The following PARP9 variants were observed in gnomAD, a reference collection of about 807,000 sequenced individuals.
The protein encoded by PARP9 is protein mono-ADP-ribosyltransferase PARP9.
In PARP9, 48 loss-of-function variants were observed where a neutral mutation model predicts 68.8. The observed-to-expected ratio is 0.70, with a 90% CI of 0.55 to 0.89. PARP9 has a LOEUF of 0.89. PARP9 is among the 40% of genes least tolerant of loss of function. PARP9 has a pLI of 0.00. For missense variants in PARP9, 806 were observed against 969.3 expected (o/e 0.83, Z 2.24); for synonymous variants, 309 against 333.8 (o/e 0.93, Z 0.81).
At chr3:122,563,701 C>T (rs1212946735) in intron 1 of PARP9, among the ~76,000 whole-genome samples, 1 of 151,926 alleles carries the variant, frequency 6.6e-6, no homozygotes, top group East Asian at 1.9e-4. Flanking sequence ...GGTGCTTTTC[C>T]CCCCAATCCT....
rs537659444 is a variant in PARP9, at chr3:122,532,132, G to A, written c.2081-3389C>T. 79 of 984,950 alleles carry A rather than the reference G, an allele frequency of 8.0e-5. No individual in the cohort carries two copies. The African/African-American group carries it at 1.3e-3, about 16-fold the overall frequency. The allele number at this position is 984,950 out of a possible 1,614,324, so 61.0% of individuals were successfully genotyped here. On this transcript the variant is annotated intron_variant, in intron 10 of 10. Coordinates refer to ENST00000682323, the MANE Select transcript of PARP9 (RefSeq NM_001146105.2). ...ACCTGAGTGGAGAGTGGCAATGGCT[G>A]GAGAAGTCTCTGGAGCAGGTGAGGA...
rs552652151 is a variant in PARP9, at chr3:122,549,296, G to A, written c.1326+1288C>T. On this transcript the variant is annotated intron_variant, in intron 6 of 10. Coordinates refer to ENST00000682323, the MANE Select transcript of PARP9 (RefSeq NM_001146105.2). ...CTCCCAAAGTGCTGGGATTACAGGC[G>A]TGAGCCACCTCACCCACCTGTATTA... is the stretch of plus-strand genomic sequence containing the variant. Among the ~76,000 whole-genome samples the A allele has an allele frequency of 1.9e-4, 29 of 152,292 alleles. No individual in the cohort carries two copies. In the South Asian group the frequency reaches 3.3e-3, roughly 17 times the overall value.
At chr3:122,548,791 A>G (rs1185493419) in intron 6 of PARP9, among the ~76,000 whole-genome samples, 2 of 152,208 alleles carry the variant, frequency 1.3e-5, no homozygotes, top group African/African-American at 4.8e-5. Flanking sequence ...TCACCTACAG[A>G]TGAGCTAAAA....
chr3:122,536,550 T>C, intron 9 of PARP9: 1 of 952,786 alleles, frequency 1.0e-6, no homozygotes, highest in South Asian at 2.0e-5. Flanking sequence ...GCCCCTTCTC[T>C]AATAAATTCC....
intron 8 of PARP9, among the ~76,000 whole-genome samples, chr3:122,538,658 C>CCA (rs10577699): frequency 0.15 from 21,065 of 144,870 alleles, 1,540 homozygotes; most frequent in African/African-American, 0.18. Context: ...TAAAGCAATG[C>CCA]CACACACACA....
intron 7 of PARP9, among the ~76,000 whole-genome samples, chr3:122,544,524 C>T (rs940279030): frequency 4.6e-5 from 7 of 152,072 alleles, no homozygotes; most frequent in Non-Finnish European, 8.8e-5. Flanking sequence ...TCTCAGTCCA[C>T]CCAAACTCCA....
At position 122,556,080 on chromosome 3, in the gene PARP9, T is replaced by C. The variant is rs199647088; in HGVS notation, c.91A>G (p.Ile31Val). ...AAAATTTTGAAGTCATTGTGGTTAA[T>C]GGGAATTTGCCAACTATAGTTTTCT... Reference protein sequence around the residue: ...LGENYSWQIPINHNDFKILKN... With the variant: ...LGENYSWQIPVNHNDFKILKN... Residue 31 changes from isoleucine to valine, a missense_variant, in exon 4 of 11, where the codon ATT becomes GTT. Physicochemically the swap from Ile to Val is conservative, Grantham distance 29. This residue lies in a region of PARP9 where 126 missense variants were observed against 110.5 expected (regional missense o/e 1.14). Coordinates refer to ENST00000682323, the MANE Select transcript of PARP9 (RefSeq NM_001146105.2). 478 of 1,594,316 alleles carry C rather than the reference T, an allele frequency of 3.0e-4. No individual in the cohort carries two copies. Among genetic ancestry groups the C allele is most frequent in the Non-Finnish European group, 3.8e-4 (444 of 1,174,018 alleles).
chr3:122,563,394 GA>G (rs1439411930), intron 1 of PARP9, among the ~76,000 whole-genome samples: 1 of 152,170 alleles, frequency 6.6e-6, no homozygotes, highest in African/African-American at 2.4e-5. Context: ...ATTACATGCT[GA>G]AATGATTAAG....
chr3:122,542,129 T>C (rs2078276177), intron 7 of PARP9, among the ~76,000 whole-genome samples: 1 of 152,156 alleles, frequency 6.6e-6, no homozygotes, highest in East Asian at 1.9e-4. Context: ...ATAAAAACAA[T>C]GCATAGTGAT....
chr3:122,530,110 G>A (rs1022879250), intron 10 of PARP9, among the ~76,000 whole-genome samples: 3 of 147,296 alleles, frequency 2.0e-5, no homozygotes, highest in Non-Finnish European at 3.0e-5. Context: ...TCAGGAGGTT[G>A]AGGTTGCAGT....
chr3:122,538,572 G>A (rs1425948250), intron 8 of PARP9, among the ~76,000 whole-genome samples: 1 of 151,826 alleles, frequency 6.6e-6, no homozygotes, highest in Non-Finnish European at 1.5e-5. Context: ...CCATCGTGCG[G>A]CAGAGCAAGA....
chr3:122,536,513 AT>A, intron 9 of PARP9, 171 bp from the exon 10 acceptor site: 2 of 1,242,114 alleles, frequency 1.6e-6, no homozygotes, highest in East Asian at 2.6e-5. Flanking sequence ...ATCCTCTCCT[AT>A]TTTGATTCGT....
At chr3:122,544,376 T>C (rs2078519986) in intron 7 of PARP9, among the ~76,000 whole-genome samples, 1 of 152,230 alleles carries the variant, frequency 6.6e-6, no homozygotes, top group Non-Finnish European at 1.5e-5. Flanking sequence ...ACATACATAA[T>C]CTATTATCCT....
At chr3:122,549,822 G>T (rs534036332) in intron 6 of PARP9, among the ~76,000 whole-genome samples, 1 of 151,938 alleles carries the variant, frequency 6.6e-6, no homozygotes, top group Non-Finnish European at 1.5e-5. Context: ...CAAAGAATTT[G>T]CCTTAAATAC....
upstream of PARP9, chr3:122,564,657 G>T (rs773833141): frequency 3.2e-6 from 5 of 1,553,962 alleles, no homozygotes; most frequent in South Asian, 5.9e-5. Flanking sequence ...CTGGGGGCCC[G>T]GCCCCCGGGT....
chr3:122,546,349 C>T (rs1355700024), intron 6 of PARP9, among the ~76,000 whole-genome samples: 4 of 152,184 alleles, frequency 2.6e-5, no homozygotes, highest in South Asian at 4.1e-4. Flanking sequence ...CAGTCAGCCA[C>T]GTGATCACAA....
intron 7 of PARP9, 130 bp downstream of exon 7, chr3:122,545,302 A>C: frequency 1.1e-6 from 1 of 885,382 alleles, no homozygotes; most frequent in Non-Finnish European, 1.8e-6. Context: ...GCAGGTATCC[A>C]AGCAGGACCA....
At chr3:122,545,409 T>C in intron 7 of PARP9, 23 bp downstream of exon 7, 1 of 1,612,934 alleles carries the variant, frequency 6.2e-7, no homozygotes, top group Non-Finnish European at 8.5e-7. Flanking sequence ...CCCTACTTAT[T>C]GGCCTGTGAA....
rs758574862 is a variant in PARP9 at position 122,537,090 on chromosome 3, C to T, written c.1766-17G>A. ...TCCACTGTCCTAAAAATGAGTAACA[C>T]AAAAACTTTACTTCAATGCTCTGAG... On this transcript the variant is annotated splice_polypyrimidine_tract_variant and intron_variant, in intron 8 of 10. Coordinates refer to ENST00000682323, the MANE Select transcript of PARP9 (RefSeq NM_001146105.2). 8.2e-6 allele frequency: 13 copies of T among 1,588,756 alleles called. No homozygotes were observed. In the Admixed American group the frequency reaches 2.1e-4, roughly 25 times the overall value.
Sources: gnomAD v4.1 joint callset for allele counts (sites outside exome capture counted in the v4.1 genomes callset) on GRCh38, gnomAD v4.1.1 for gene constraint, gnomAD v4.1.1 regional missense constraint, MANE v1.5 for transcripts, NCBI Gene and HGNC (gene_info 2026-07-23, HGNC 2026-07-21) for gene names.